STS: variants seen among roughly 807,000 people sequenced by gnomAD.
STS encodes the protein steroid sulfatase.
Under a neutral mutation model 26.8 loss-of-function variants are expected in STS, and 7 were observed. The ratio of observed to expected loss-of-function variants is 0.26; its 90% CI spans 0.15 to 0.49. The LOEUF is 0.49. Ranked by LOEUF, STS falls within the 20% of genes least tolerant of loss-of-function variation. The pLI, the probability that STS is intolerant of heterozygous loss-of-function variation, is 0.98. For synonymous variants in STS, 199 were observed against 189.4 expected (o/e 1.05, Z -0.42); for missense variants, 434 against 465.6 (o/e 0.93, Z 0.63).
intron 2 of STS, among the ~76,000 whole-genome samples, chrX:7,223,091 T>C (rs1240417293): frequency 8.9e-6 from 1 of 112,294 alleles, no homozygotes; most frequent in Non-Finnish European, 1.9e-5. Context: ...TTCTTTTATA[T>C]GACTGAGAAG....
chrX:7,334,227 T>G, intron 10 of STS, 120 bp downstream of exon 10: 2 of 996,074 alleles, frequency 2.0e-6, no homozygotes, highest in Non-Finnish European at 2.8e-6. Context: ...TGCCTCAATG[T>G]GCGCCCATGC....
At chrX:7,151,776 C>G (rs1933016922) in intron 1 of STS, among the ~76,000 whole-genome samples, 2 of 110,765 alleles carry the variant, frequency 1.8e-5, no homozygotes, top group Admixed American at 1.9e-4. Flanking sequence ...GTGCCAGCAT[C>G]CCCTGGGAGC....
At chrX:7,327,250 T>C (rs1025606395) in intron 9 of STS, among the ~76,000 whole-genome samples, 10 of 111,013 alleles carry the variant, frequency 9.0e-5, no homozygotes, top group Non-Finnish European at 1.5e-4. Flanking sequence ...AAAAATAACA[T>C]TGGCCTCGCA....
chrX:7,235,057 C>T (rs775822477), intron 2 of STS, among the ~76,000 whole-genome samples: 12 of 111,707 alleles, frequency 1.1e-4, no homozygotes, highest in African/African-American at 3.9e-4. Context: ...CTATGGGACA[C>T]AGTCCTCTCC....
chrX:7,306,967 G>A (rs141255608), intron 8 of STS, among the ~76,000 whole-genome samples: 3,947 of 111,561 alleles, frequency 0.035, 146 homozygotes, highest in African/African-American at 0.12. Flanking sequence ...AGCTTATGAA[G>A]CCTTATGCTT....
chrX:7,173,279 T>C (rs773125707), intron 1 of STS, among the ~76,000 whole-genome samples: 5 of 112,180 alleles, frequency 4.5e-5, no homozygotes, highest in Non-Finnish European at 9.4e-5. Context: ...TCATTCTTTT[T>C]TTATGGCTGC....
chrX:7,201,362 A>G (rs904497932), intron 2 of STS, among the ~76,000 whole-genome samples: 2 of 112,023 alleles, frequency 1.8e-5, no homozygotes, highest in African/African-American at 6.5e-5. Flanking sequence ...ATCAACAACA[A>G]ATATCACTCC....
chrX:7,242,489 A>G (rs1228304690), intron 2 of STS, among the ~76,000 whole-genome samples: 1 of 108,860 alleles, frequency 9.2e-6, no homozygotes, highest in Non-Finnish European at 1.9e-5. Flanking sequence ...AATCCCGGCT[A>G]CTTGGGAGGC....
chrX:7,163,969 C>T (rs928756229), intron 1 of STS, among the ~76,000 whole-genome samples: 1 of 111,768 alleles, frequency 8.9e-6, no homozygotes, highest in Non-Finnish European at 1.9e-5. Flanking sequence ...CAGGTGCCCA[C>T]CATCATGCTC....
rs183971437 is a variant in STS, at chrX:7,276,951, G to A, written c.943+864G>A. On this transcript the variant is annotated intron_variant, in intron 7 of 10. Coordinates refer to ENST00000674429, the MANE Select transcript of STS (RefSeq NM_001320752.2). ...CATCCCTATGCTTTTATTTTGTCTT[G>A]CAGAGCTCAGAGATCCCAGGATGGG... is the stretch of plus-strand genomic sequence containing the variant. Among the ~76,000 whole-genome samples the A allele has an allele frequency of 5.4e-5, 6 of 111,766 alleles. No homozygotes were observed. The East Asian group carries it at 1.4e-3, about 26-fold the overall frequency.
At chrX:7,242,273 T>G (rs1396061883) in intron 2 of STS, among the ~76,000 whole-genome samples, 1 of 110,653 alleles carries the variant, frequency 9.0e-6, no homozygotes. Flanking sequence ...ACATAACATT[T>G]TATTATTATT....
At chrX:7,269,115 C>T (rs1223831564) in intron 6 of STS, among the ~76,000 whole-genome samples, 1 of 101,359 alleles carries the variant, frequency 9.9e-6, no homozygotes, top group African/African-American at 3.7e-5. Flanking sequence ...TGCACCACTG[C>T]ACTCCAGCCT....
intron 1 of STS, among the ~76,000 whole-genome samples, chrX:7,150,920 T>C (rs1932999751): frequency 8.9e-6 from 1 of 112,332 alleles, no homozygotes; most frequent in South Asian, 3.7e-4. Context: ...TGCATTTCCT[T>C]CCATGAATTA....
chrX:7,330,190 CA>C (rs1177493622), intron 9 of STS, among the ~76,000 whole-genome samples: 2 of 111,693 alleles, frequency 1.8e-5, no homozygotes, highest in Non-Finnish European at 3.8e-5. Context: ...CAAAAGGCAG[CA>C]ACAAGGACTT....
chrX:7,209,846 A>G (rs1418333392), intron 2 of STS, among the ~76,000 whole-genome samples: 1 of 108,971 alleles, frequency 9.2e-6, no homozygotes, highest in East Asian at 2.9e-4. Context: ...TCAATGTTCA[A>G]CTCCCACTTA....
intron 2 of STS, among the ~76,000 whole-genome samples, chrX:7,206,249 G>C (rs1390724884): frequency 8.9e-6 from 1 of 111,737 alleles, no homozygotes; most frequent in Non-Finnish European, 1.9e-5. Context: ...CTGAAGATTG[G>C]GACCTGGTTA....
intron 8 of STS, among the ~76,000 whole-genome samples, chrX:7,323,729 A>C (rs1473561468): frequency 8.9e-6 from 1 of 111,998 alleles, no homozygotes; most frequent in African/African-American, 3.2e-5. Context: ...TCCTTTGGGA[A>C]TAACCATGAA....
Position 7,305,107 on chromosome X carries a change from A to G in STS, c.1005A>G (p.Thr335=). Residue 335 remains threonine, a synonymous_variant, in exon 8 of 11, where the codon ACA becomes ACG. Transcript: ENST00000674429. The part of the protein sequence containing the change: ...RLANDTLIYF[T]SDQGAHVEEV... ...CTAATGATACCCTCATCTACTTCAC[A>G]TCGGACCAGGGAGCACATGTAGAAG... 3 of 1,210,861 alleles carry G rather than the reference A, an allele frequency of 2.5e-6. No homozygotes were observed. Among genetic ancestry groups the G allele is most frequent in the South Asian group, 1.8e-5 (1 of 56,972 alleles).
In STS at chrX:7,323,826, C is replaced by G. The variant is rs191270474; in HGVS notation, c.1082-1513C>G. 1.8e-4 allele frequency among the ~76,000 whole-genome samples: 20 copies of G among 111,715 alleles called. No individual in the cohort carries two copies. The East Asian group carries it at 5.4e-3, about 30-fold the overall frequency. Reference sequence around the variant, plus strand: ...TCTTATTCCTTGCCTTATCCAACTTCTAGAGCCTGCCTGCATTCCTGGGCT... The same window carrying G: ...TCTTATTCCTTGCCTTATCCAACTTGTAGAGCCTGCCTGCATTCCTGGGCT... On this transcript the variant is annotated intron_variant, in intron 8 of 10. Transcript: ENST00000674429.
Sources: gnomAD v4.1 joint callset for allele counts (sites outside exome capture counted in the v4.1 genomes callset) on GRCh38, gnomAD v4.1.1 for gene constraint, MANE v1.5 for transcripts, NCBI Gene and HGNC (gene_info 2026-07-23, HGNC 2026-07-21) for gene names.